Variants in NRAP observed in about 807,000 individuals in gnomAD.
The protein encoded by NRAP is nebulin-related-anchoring protein.
NRAP carries 189 observed loss-of-function variants against 225.9 expected under a neutral mutation model. The observed-to-expected ratio is 0.84, with a 90% CI of 0.74 to 0.94. NRAP has a LOEUF of 0.94. Among genes scored for constraint, NRAP ranks in the 40% least tolerant of loss-of-function variants. NRAP has a pLI of 0.00. For missense variants in NRAP, 2,176 were observed against 2,168.7 expected, an observed-to-expected ratio of 1.00 and a Z score of -0.07; for synonymous variants, 769 against 790.7, an observed-to-expected ratio of 0.97 and a Z score of 0.46.
Position 113,594,292 on chromosome 10 carries a change from C to CG in NRAP, c.4536+1330dup, listed in dbSNP as rs568447909. On this transcript the variant is annotated intron_variant, in intron 38 of 41. Transcript: ENST00000359988. ...CAATTGTGCGTATTCTACACGCCCC[C>CG]GAAGAAGTGCTCTTTCAAAAGAGGT... Among the ~76,000 whole-genome samples, 485 of 152,316 alleles carry CG rather than the reference C, an allele frequency of 3.2e-3. 4 individuals carry two copies. The highest frequency in any genetic ancestry group is 6.9e-3 in the Admixed American group (106 of 15,304).
At position 113,628,979 on chromosome 10, in the gene NRAP, A is replaced by G. The variant is rs762650917; in HGVS notation, c.2083T>C (p.Trp695Arg). The change falls in exon 20 of 42, where the codon TGG (tryptophan) becomes CGG (arginine). Residue 695 changes from tryptophan to arginine, a missense_variant. By Grantham distance (101) the Trp-to-Arg change is moderately radical. Around this residue, in one of 3 missense-constraint regions of NRAP, gnomAD observed 1,708 missense variants for 1,695.5 expected, o/e 1.01. Transcript: ENST00000359988. ...AAGTTGAGACTCCCCTCTGTCAGCCACCCAACTCCCTTCATCCATGCCAGG... is the reference window on the plus strand; with the variant it reads ...AAGTTGAGACTCCCCTCTGTCAGCCGCCCAACTCCCTTCATCCATGCCAGG... ...ADLAWMKGVG[W>R]LTEGSLNLEQ... is the part of the protein sequence containing the mutation. 1.9e-6 allele frequency: 3 copies of G among 1,613,818 alleles called. No homozygotes were observed. The highest frequency in any genetic ancestry group is 2.5e-6 in the Non-Finnish European group (3 of 1,179,904).
At chr10:113,589,224 C>A in intron 41 of NRAP, 145 bp from the exon 42 acceptor site, 1 of 639,034 alleles carries the variant, frequency 1.6e-6, no homozygotes, top group Non-Finnish European at 2.7e-6. Context: ...CTACCCTCCC[C>A]AAGAAAAAGG....
rs767191592 is a variant in NRAP at position 113,663,452 on chromosome 10, A to T, written c.73-6T>A. ...AAACAGGCTTTATGCCATATCTAGA[A>T]ATCATATAGAGAAGATTTAGCAATT... is the stretch of plus-strand genomic sequence containing the variant. On this transcript the variant is annotated splice_region_variant and splice_polypyrimidine_tract_variant and intron_variant, in intron 1 of 41. Transcript: ENST00000359988. 1 of 1,544,632 alleles carries T rather than the reference A, an allele frequency of 6.5e-7. No individual in the cohort carries two copies. Among genetic ancestry groups the T allele is most frequent in the South Asian group, 1.1e-5 (1 of 89,584 alleles).
At chr10:113,621,173 G>A (rs558404425) in intron 24 of NRAP, among the ~76,000 whole-genome samples, 1 of 152,220 alleles carries the variant, frequency 6.6e-6, no homozygotes, top group African/African-American at 2.4e-5. Context: ...CACCTCAGTG[G>A]GGGGGCAGGG....
Position 113,601,323 on chromosome 10 carries a change from C to G in NRAP, c.4228-3250G>C, listed in dbSNP as rs191819631. Among the ~76,000 whole-genome samples, 492 of 152,352 alleles carry G rather than the reference C, an allele frequency of 3.2e-3. 4 individuals carry two copies. The highest frequency in any genetic ancestry group is 2.7e-3 in the Non-Finnish European group (185 of 68,038). ...CAAAGTCAGGAGAAGCAGCTGAAGG[C>G]TGGGGCTGCTCCCTTGACGTAATGC... is the stretch of plus-strand genomic sequence containing the variant. On this transcript the variant is annotated intron_variant, in intron 35 of 41. Coordinates refer to ENST00000359988, the MANE Select transcript of NRAP (RefSeq NM_198060.4).
At chr10:113,662,817 A>G in intron 2 of NRAP, 51 bp from the exon 3 acceptor site, 1 of 815,146 alleles carries the variant, frequency 1.2e-6, no homozygotes. Flanking sequence ...TATCCAAATG[A>G]TTGAGGGACT....
chr10:113,590,437 T>C, intron 40 of NRAP, 141 bp downstream of exon 40: 1 of 730,688 alleles, frequency 1.4e-6, no homozygotes. Flanking sequence ...TTATTCTTTC[T>C]GGCACTAAAG....
At chr10:113,654,925 C>T (rs11196406) in intron 4 of NRAP, among the ~76,000 whole-genome samples, 10,577 of 152,170 alleles carry the variant, frequency 0.07, 508 homozygotes, top group Non-Finnish European at 0.1. Context: ...TGAATAAAAG[C>T]ATGAAGGCAG....
chr10:113,600,574 C>T (rs1029597847), intron 35 of NRAP, among the ~76,000 whole-genome samples: 1 of 152,184 alleles, frequency 6.6e-6, no homozygotes, highest in Non-Finnish European at 1.5e-5. Context: ...TGTGGGTAAG[C>T]CACACCAGGT....
At chr10:113,632,053 C>T (rs1848611807) in intron 16 of NRAP, 89 bp from the exon 17 acceptor site, 3 of 804,220 alleles carry the variant, frequency 3.7e-6, no homozygotes, top group Non-Finnish European at 6.6e-6. Flanking sequence ...TTGGATTTTT[C>T]CTCTATTTAC....
intron 33 of NRAP, 78 bp downstream of exon 33, chr10:113,606,100 T>A (rs1029711436): frequency 1.9e-6 from 2 of 1,075,516 alleles, no homozygotes; most frequent in Non-Finnish European, 2.9e-6. Context: ...GCCAGAAAGG[T>A]CAGTGTTGGG....
At chr10:113,616,449 A>G (rs2133956860) in intron 26 of NRAP, among the ~76,000 whole-genome samples, 1 of 152,352 alleles carries the variant, frequency 6.6e-6, no homozygotes, top group South Asian at 2.1e-4. Flanking sequence ...AGTGCCCCCT[A>G]GAGTTGGCTA....
intron 22 of NRAP, 93 bp from the exon 23 acceptor site, chr10:113,623,729 A>G: frequency 1.3e-6 from 1 of 791,404 alleles, no homozygotes; most frequent in Non-Finnish European, 2.2e-6. Flanking sequence ...CGATTCTAGG[A>G]AAGCAATACT....
chr10:113,620,936 C>G (rs1847951504), intron 24 of NRAP, among the ~76,000 whole-genome samples: 1 of 152,206 alleles, frequency 6.6e-6, no homozygotes, highest in Non-Finnish European at 1.5e-5. Flanking sequence ...CCCCATCCAA[C>G]ACTATTGGGG....
intron 35 of NRAP, among the ~76,000 whole-genome samples, chr10:113,602,651 GA>G (rs1198762999): frequency 6.6e-6 from 1 of 152,154 alleles, no homozygotes; most frequent in African/African-American, 2.4e-5. Flanking sequence ...AATAATAATT[GA>G]TTATGTGTTT....
intron 36 of NRAP, among the ~76,000 whole-genome samples, 189 bp downstream of exon 36, chr10:113,597,780 C>T (rs1846367249): frequency 6.6e-6 from 1 of 152,200 alleles, no homozygotes; most frequent in African/African-American, 2.4e-5. Flanking sequence ...TTCAGTTCCT[C>T]AGCAGTGAAT....
chr10:113,611,488 G>T (rs1011011316), intron 30 of NRAP, among the ~76,000 whole-genome samples: 5 of 152,174 alleles, frequency 3.3e-5, no homozygotes, highest in African/African-American at 1.2e-4. Flanking sequence ...GATGCCTGTT[G>T]GGAAGAACAC....
At chr10:113,653,574 A>G (rs1299133534) in intron 5 of NRAP, among the ~76,000 whole-genome samples, 1 of 152,214 alleles carries the variant, frequency 6.6e-6, no homozygotes, top group Non-Finnish European at 1.5e-5. Context: ...GGGTAAGTGT[A>G]CCTAGAGGTA....
chr10:113,642,151 A>G (rs1475240651), intron 12 of NRAP, among the ~76,000 whole-genome samples: 1 of 152,186 alleles, frequency 6.6e-6, no homozygotes, highest in African/African-American at 2.4e-5. Flanking sequence ...ATCAGATATG[A>G]TTCTACTTAT....
Sources: allele counts gnomAD v4.1 joint callset (sites outside exome capture counted in the v4.1 genomes callset), GRCh38; gene constraint gnomAD v4.1.1; regional missense constraint gnomAD v4.1.1; transcripts MANE v1.5; gene names NCBI Gene and HGNC (gene_info 2026-07-23, HGNC 2026-07-21).